Variants in TMEM117 observed in about 807,000 individuals in gnomAD.
The protein encoded by TMEM117 is transmembrane protein 117.
A neutral mutation model predicts 52.4 loss-of-function variants in TMEM117; 27 were observed. The observed-to-expected ratio is 0.51, with a 90% CI of 0.38 to 0.71. TMEM117 has a LOEUF of 0.71. Among genes scored for constraint, TMEM117 ranks in the 30% least tolerant of loss-of-function variants. The pLI is 0.00. For missense variants in TMEM117, 556 were observed against 630.5 expected, an observed-to-expected ratio of 0.88 and a Z score of 1.26; for synonymous variants, 215 against 206.3, an observed-to-expected ratio of 1.04 and a Z score of -0.36.
At chr12:44,215,509 T>A (rs1038334225) in intron 5 of TMEM117, among the ~76,000 whole-genome samples, 1 of 152,184 alleles carries the variant, frequency 6.6e-6, no homozygotes, top group Non-Finnish European at 1.5e-5. Context: ...ATCTAAATGC[T>A]ATATGAATGC....
intron 3 of TMEM117, among the ~76,000 whole-genome samples, chr12:44,040,529 T>A (rs1269875033): frequency 6.6e-6 from 1 of 152,200 alleles, no homozygotes; most frequent in East Asian, 1.9e-4. Flanking sequence ...ATAATTTGAA[T>A]AATTTATATG....
chr12:43,995,409 A>G (rs1946011911), intron 3 of TMEM117, among the ~76,000 whole-genome samples: 1 of 152,212 alleles, frequency 6.6e-6, no homozygotes, highest in African/African-American at 2.4e-5. Context: ...GATTGATTTT[A>G]GATGCCTTAG....
At chr12:43,931,549 G>A (rs1944871070) in intron 2 of TMEM117, among the ~76,000 whole-genome samples, 1 of 152,080 alleles carries the variant, frequency 6.6e-6, no homozygotes, top group African/African-American at 2.4e-5. Context: ...TGTTTCAGAG[G>A]GTAGAGAAAT....
intron 3 of TMEM117, among the ~76,000 whole-genome samples, chr12:44,032,587 T>G (rs909826923): frequency 4.6e-5 from 7 of 152,344 alleles, no homozygotes; most frequent in African/African-American, 1.7e-4. Context: ...TTTGAGATAA[T>G]TTTACTTATT....
intron 3 of TMEM117, among the ~76,000 whole-genome samples, chr12:44,000,016 C>T (rs1275276248): frequency 6.6e-6 from 1 of 152,124 alleles, no homozygotes; most frequent in Non-Finnish European, 1.5e-5. Context: ...CAATTTTGCC[C>T]AATGATCAGC....
At chr12:44,137,776 A>G (rs1398043053) in intron 3 of TMEM117, among the ~76,000 whole-genome samples, 4 of 152,056 alleles carry the variant, frequency 2.6e-5, no homozygotes, top group Non-Finnish European at 5.9e-5. Flanking sequence ...TTATTCAACT[A>G]CCTACCACTG....
chr12:44,155,166 C>T (rs1314474491), intron 4 of TMEM117, among the ~76,000 whole-genome samples: 1 of 152,064 alleles, frequency 6.6e-6, no homozygotes, highest in East Asian at 1.9e-4. Context: ...AATATTTTAT[C>T]AAATTTTGAT....
chr12:44,235,901 C>T (rs1443984553), intron 5 of TMEM117, among the ~76,000 whole-genome samples: 3 of 151,754 alleles, frequency 2.0e-5, no homozygotes, highest in Admixed American at 1.3e-4. Context: ...TTCTTTTTTA[C>T]ATTAAACATA....
At chr12:43,872,143 A>G (rs991088913) in intron 2 of TMEM117, among the ~76,000 whole-genome samples, 3 of 152,166 alleles carry the variant, frequency 2.0e-5, no homozygotes, top group African/African-American at 7.2e-5. Context: ...TTCAAGTAAT[A>G]TTCCTGCATT....
intron 4 of TMEM117, among the ~76,000 whole-genome samples, chr12:44,165,634 A>G (rs1948956191): frequency 6.6e-6 from 1 of 152,250 alleles, no homozygotes; most frequent in Non-Finnish European, 1.5e-5. Flanking sequence ...ATAGAAGGTC[A>G]TTACATAATG....
At chr12:43,887,552 G>A (rs957660259) in intron 2 of TMEM117, among the ~76,000 whole-genome samples, 6 of 152,204 alleles carry the variant, frequency 3.9e-5, no homozygotes, top group Admixed American at 3.3e-4. Context: ...AGTCTGGTTT[G>A]TGACCATGCC....
At chr12:44,344,730 G>A (rs1008869278) in intron 6 of TMEM117, among the ~76,000 whole-genome samples, 1 of 152,012 alleles carries the variant, frequency 6.6e-6, no homozygotes, top group Non-Finnish European at 1.5e-5. Context: ...TAAACTGTTG[G>A]GGACAGAGTC....
chr12:44,242,663 C>G (rs1244077465), intron 5 of TMEM117, among the ~76,000 whole-genome samples: 1 of 145,906 alleles, frequency 6.9e-6, no homozygotes, highest in Non-Finnish European at 1.5e-5. Context: ...TATATTATAT[C>G]TATATGTATA....
At chr12:44,297,632 A>G (rs1592674673) in intron 5 of TMEM117, among the ~76,000 whole-genome samples, 1 of 152,328 alleles carries the variant, frequency 6.6e-6, no homozygotes, top group Admixed American at 6.5e-5. Flanking sequence ...CAAGAATGAT[A>G]AGAAAATACC....
At chr12:44,141,422 G>A (rs932129014) in intron 3 of TMEM117, among the ~76,000 whole-genome samples, 6 of 151,964 alleles carry the variant, frequency 3.9e-5, no homozygotes, top group African/African-American at 7.2e-5. Context: ...GAGTGTGGTC[G>A]TGGTTTTGGT....
At chr12:43,946,676 T>C (rs1945139261) in intron 3 of TMEM117, among the ~76,000 whole-genome samples, 1 of 152,188 alleles carries the variant, frequency 6.6e-6, no homozygotes, top group Admixed American at 6.5e-5. Flanking sequence ...TTTGCCACTT[T>C]GTTGTTTAAA....
rs1445676907 is a variant in TMEM117 at position 44,040,623 on chromosome 12, T to A, written c.410+96281T>A. ...TTCTTCACTTCCAATCCTTATACAC[T>A]TTATATCTTATTCCTGTATTATTGC... is the stretch of plus-strand genomic sequence containing the variant. On this transcript the variant is annotated intron_variant, in intron 3 of 7. Transcript: ENST00000266534. Among the ~76,000 whole-genome samples, 3 of 152,204 alleles carry A rather than the reference T, an allele frequency of 2.0e-5. No homozygotes were observed. In the East Asian group the frequency reaches 5.8e-4, roughly 29 times the overall value.
intron 3 of TMEM117, among the ~76,000 whole-genome samples, chr12:43,988,095 C>T (rs1267949533): frequency 2.0e-5 from 3 of 152,040 alleles, no homozygotes; most frequent in Non-Finnish European, 4.4e-5. Context: ...TTAGGAAAGA[C>T]ATTACTACCT....
At chr12:44,120,760 G>T (rs569037635) in intron 3 of TMEM117, among the ~76,000 whole-genome samples, 1 of 152,100 alleles carries the variant, frequency 6.6e-6, no homozygotes, top group Non-Finnish European at 1.5e-5. Context: ...TTAGGACCTC[G>T]TCCTGGTTTC....
Sources: allele counts gnomAD v4.1 joint callset (sites outside exome capture counted in the v4.1 genomes callset), GRCh38; gene constraint gnomAD v4.1.1; transcripts MANE v1.5; gene names NCBI Gene and HGNC (gene_info 2026-07-23, HGNC 2026-07-21).